The following NELL1 variants were observed in gnomAD, a reference collection of about 807,000 sequenced individuals.
The protein encoded by NELL1 is neural EGFL like 1.
A neutral mutation model predicts 107.4 loss-of-function variants in NELL1; 76 were observed. That is an observed-to-expected ratio of 0.71 (90% CI 0.59 to 0.86). NELL1 has a LOEUF of 0.86. Ranked by LOEUF, NELL1 falls within the 40% of genes least tolerant of loss-of-function variation. The probability of loss-of-function intolerance (pLI) is 0.00; values close to 1 mark genes in which losing one functional copy is unlikely to be tolerated. For missense variants in NELL1, 1,024 were observed against 1,005.5 expected (o/e 1.02, Z -0.25); for synonymous variants, 353 against 341.2 (o/e 1.03, Z -0.38).
intron 13 of NELL1, among the ~76,000 whole-genome samples, chr11:21,119,285 A>G (rs1364089192): frequency 6.6e-6 from 1 of 151,758 alleles, no homozygotes. Context: ...AGAAGACTAC[A>G]CCTGAGACAG....
chr11:21,062,305 T>C (rs905395300), intron 12 of NELL1, among the ~76,000 whole-genome samples: 1 of 152,210 alleles, frequency 6.6e-6, no homozygotes, highest in Admixed American at 6.5e-5. Context: ...TTTGAATTTG[T>C]TAACGGTGAT....
At chr11:21,402,854 T>G (rs1220528155) in intron 15 of NELL1, among the ~76,000 whole-genome samples, 1 of 151,772 alleles carries the variant, frequency 6.6e-6, no homozygotes, top group Non-Finnish European at 1.5e-5. Context: ...ACTTCCCATT[T>G]GCTGCTAAAG....
chr11:21,409,086 T>C (rs1319468163), intron 15 of NELL1, among the ~76,000 whole-genome samples: 1 of 152,058 alleles, frequency 6.6e-6, no homozygotes, highest in Non-Finnish European at 1.5e-5. Flanking sequence ...ACTGGGCATA[T>C]ACCCAAAGGA....
chr11:20,975,567 TAA>T (rs1851589597), intron 12 of NELL1, among the ~76,000 whole-genome samples: 2 of 127,502 alleles, frequency 1.6e-5, no homozygotes, highest in African/African-American at 5.7e-5. Context: ...TGTACAGATA[TAA>T]TGTATTATAT....
chr11:21,339,457 T>G (rs954828208), intron 14 of NELL1, among the ~76,000 whole-genome samples: 2 of 152,252 alleles, frequency 1.3e-5, no homozygotes, highest in Non-Finnish European at 2.9e-5. Flanking sequence ...TGAATTTCTG[T>G]TGTTTAAGAC....
chr11:21,423,063 GTT>G (rs1195210707), intron 15 of NELL1, among the ~76,000 whole-genome samples: 2 of 152,094 alleles, frequency 1.3e-5, no homozygotes, highest in Non-Finnish European at 1.5e-5. Flanking sequence ...TAGACTCTAA[GTT>G]TAAAAATTTT....
At chr11:20,727,097 T>C (rs1247366771) in intron 2 of NELL1, among the ~76,000 whole-genome samples, 1 of 152,208 alleles carries the variant, frequency 6.6e-6, no homozygotes, top group African/African-American at 2.4e-5. Context: ...TTTATAATCC[T>C]TTGGGTATAT....
At chr11:20,756,029 A>C (rs1417068670) in intron 2 of NELL1, among the ~76,000 whole-genome samples, 1 of 151,604 alleles carries the variant, frequency 6.6e-6, no homozygotes, top group Non-Finnish European at 1.5e-5. Flanking sequence ...AGTAGCTGGG[A>C]CTACAGGTGC....
intron 4 of NELL1, among the ~76,000 whole-genome samples, chr11:20,883,118 C>T (rs1326758417): frequency 2.7e-5 from 1 of 37,132 alleles, no homozygotes; most frequent in Non-Finnish European, 5.4e-5. Flanking sequence ...CCTCTTGGAA[C>T]AGATTTGGCA....
chr11:21,511,707 A>G (rs1365538736), intron 15 of NELL1, among the ~76,000 whole-genome samples: 1 of 152,198 alleles, frequency 6.6e-6, no homozygotes, highest in Non-Finnish European at 1.5e-5. Flanking sequence ...ACACAGGTAG[A>G]TGCAAAGGCT....
intron 13 of NELL1, chr11:21,170,042 C>A (rs533603337): frequency 5.1e-5 from 60 of 1,174,748 alleles, no homozygotes; most frequent in Non-Finnish European, 7.0e-5. Context: ...CAGCACAGAC[C>A]ACATCCCTGA....
At chr11:21,334,959 C>A (rs1463298269) in intron 14 of NELL1, among the ~76,000 whole-genome samples, 1 of 151,746 alleles carries the variant, frequency 6.6e-6, no homozygotes, top group Non-Finnish European at 1.5e-5. Context: ...TTTTGGTTAT[C>A]CATTGTTTCA....
At chr11:21,129,608 A>G (rs1855569418) in intron 13 of NELL1, among the ~76,000 whole-genome samples, 2 of 152,220 alleles carry the variant, frequency 1.3e-5, no homozygotes, top group Non-Finnish European at 2.9e-5. Flanking sequence ...ACATGCTATA[A>G]TGTGGATGAG....
intron 14 of NELL1, among the ~76,000 whole-genome samples, chr11:21,244,663 T>G (rs1858445262): frequency 6.6e-6 from 1 of 152,176 alleles, no homozygotes; most frequent in South Asian, 2.1e-4. Context: ...CTGAGTTTGC[T>G]CTCTTGCCTG....
chr11:21,480,327 T>C (rs2133898835), intron 15 of NELL1, among the ~76,000 whole-genome samples: 1 of 152,268 alleles, frequency 6.6e-6, no homozygotes, highest in African/African-American at 2.4e-5. Flanking sequence ...ACAAATTGTC[T>C]CTCTGTTCTT....
intron 2 of NELL1, among the ~76,000 whole-genome samples, chr11:20,688,500 T>A (rs1224886664): frequency 6.6e-6 from 1 of 152,178 alleles, no homozygotes; most frequent in Non-Finnish European, 1.5e-5. Flanking sequence ...TGTTTCTGCA[T>A]TAATTTGCTT....
At chr11:20,684,181 A>G (rs1854252951) in intron 2 of NELL1, among the ~76,000 whole-genome samples, 1 of 151,886 alleles carries the variant, frequency 6.6e-6, no homozygotes, top group Admixed American at 6.6e-5. Context: ...TTGAGGCAGG[A>G]GGATTGCTTG....
chr11:20,720,721 A>T (rs916098935), intron 2 of NELL1, among the ~76,000 whole-genome samples: 1 of 151,734 alleles, frequency 6.6e-6, no homozygotes, highest in African/African-American at 2.4e-5. Flanking sequence ...TCTTCTCTCT[A>T]TGTCTCTTCA....
intron 2 of NELL1, among the ~76,000 whole-genome samples, chr11:20,694,901 A>G (rs915933260): frequency 1.1e-4 from 17 of 152,034 alleles, no homozygotes; most frequent in Admixed American, 4.6e-4. Flanking sequence ...CATTTTAATG[A>G]TAGTGATTCT....
Sources: allele counts gnomAD v4.1 joint callset (sites outside exome capture counted in the v4.1 genomes callset), GRCh38; gene constraint gnomAD v4.1.1; transcripts MANE v1.5; gene names NCBI Gene and HGNC (gene_info 2026-07-23, HGNC 2026-07-21).